The following TUSC3 variants were observed in gnomAD, a reference collection of about 807,000 sequenced individuals.
The protein encoded by TUSC3 is tumor suppressor candidate 3, also known as dolichyl-diphosphooligosaccharide--protein glycosyltransferase subunit TUSC3.
Under a neutral mutation model 44.8 loss-of-function variants are expected in TUSC3, and 45 were observed. The observed-to-expected ratio is 1.00, with a 90% CI of 0.79 to 1.29. The LOEUF is 1.29. Ranked by LOEUF, TUSC3 falls within the 50% of genes most tolerant of loss-of-function variation. The pLI is 0.00. For missense variants in TUSC3, 519 were observed against 437.9 expected (o/e 1.19, Z -1.65); for synonymous variants, 212 against 152.9 (o/e 1.39, Z -2.85).
At chr8:15,710,972 C>G (rs990266236) in intron 6 of TUSC3, among the ~76,000 whole-genome samples, 1 of 151,210 alleles carries the variant, frequency 6.6e-6, no homozygotes, top group African/African-American at 2.4e-5. Flanking sequence ...AGTCAGTTAA[C>G]TAATCTGCCA....
chr8:15,765,631 A>G lies in TUSC3; in HGVS notation c.*1475A>G, dbSNP rs956428797. On this transcript the variant is annotated 3_prime_UTR_variant, in exon 11 of 11. Transcript: ENST00000503731. Reference sequence around the variant, plus strand: ...CAAAACATAATATTCAGTGAAAATTACGTAATAATTGTAAGTTTATAATCA... The same window carrying G: ...CAAAACATAATATTCAGTGAAAATTGCGTAATAATTGTAAGTTTATAATCA... The G allele has an allele frequency of 9.9e-5, 15 of 152,112 alleles. No homozygotes were observed. The highest frequency in any genetic ancestry group is 3.6e-4 in the African/African-American group (15 of 41,460). The allele number at this position is 152,112 out of a possible 1,614,324, so 9.4% of individuals were successfully genotyped here.
At chr8:15,719,005 A>T (rs1042633072) in intron 6 of TUSC3, among the ~76,000 whole-genome samples, 1 of 152,090 alleles carries the variant, frequency 6.6e-6, no homozygotes, top group Non-Finnish European at 1.5e-5. Context: ...CTCCAGGATA[A>T]GATCACTTCT....
chr8:15,489,510 A>G (rs1351235564), intron 2 of TUSC3, among the ~76,000 whole-genome samples: 22 of 152,342 alleles, frequency 1.4e-4, no homozygotes, highest in Admixed American at 1.4e-3. Context: ...GTTTCTCTGC[A>G]GAATATGAAT....
At chr8:15,523,710 A>G (rs60527679) in intron 2 of TUSC3, among the ~76,000 whole-genome samples, 5,042 of 108,246 alleles carry the variant, frequency 0.047, 156 homozygotes, top group East Asian at 0.098. Flanking sequence ...GTGTGTGTGT[A>G]TATATATATA....
At chr8:15,427,585 C>G (rs1198413236) in intron 1 of TUSC3, among the ~76,000 whole-genome samples, 1 of 152,148 alleles carries the variant, frequency 6.6e-6, no homozygotes, top group Non-Finnish European at 1.5e-5. Context: ...GGTTGGCCTT[C>G]TTCCAAATGT....
the TUSC3 span, among the ~76,000 whole-genome samples, chr8:15,793,489 T>C: frequency 6.6e-6 from 1 of 152,068 alleles, no homozygotes; most frequent in Admixed American, 6.6e-5. Flanking sequence ...TGACCTCTCT[T>C]CTTTGTTCCC....
intron 2 of TUSC3, among the ~76,000 whole-genome samples, chr8:15,623,752 T>G (rs1282418561): frequency 6.6e-6 from 1 of 152,120 alleles, no homozygotes; most frequent in East Asian, 1.9e-4. Flanking sequence ...TGTCCAAAAG[T>G]ATACAACAAA....
Position 15,540,324 on chromosome 8 carries a change from G to C in TUSC3, c.-107G>C. The C allele has an allele frequency of 7.4e-7, 1 of 1,357,232 alleles. No individual in the cohort carries two copies. The highest frequency in any genetic ancestry group is 3.0e-5 in the East Asian group (1 of 32,898). The allele number at this position is 1,357,232 out of a possible 1,614,324, so 84.1% of individuals were successfully genotyped here. ...CCCTCGCAAAGCCGCTGCCATCCCGGAGGGCCCAGCCAGCGGGCTCCCGGA... is the reference window on the plus strand; with the variant it reads ...CCCTCGCAAAGCCGCTGCCATCCCGCAGGGCCCAGCCAGCGGGCTCCCGGA... On this transcript the variant is annotated 5_prime_UTR_variant, in exon 1 of 11. Transcript: ENST00000503731.
chr8:15,496,056 C>T (rs145102475), intron 2 of TUSC3, among the ~76,000 whole-genome samples: 28 of 152,198 alleles, frequency 1.8e-4, no homozygotes, highest in South Asian at 4.1e-4. Flanking sequence ...ATTTTTGAGC[C>T]TAACTGTCTA....
the TUSC3 span, among the ~76,000 whole-genome samples, chr8:15,836,196 C>T: frequency 1.3e-5 from 2 of 151,736 alleles, no homozygotes; most frequent in Non-Finnish European, 2.9e-5. Context: ...AGTAACACAG[C>T]TGGGCATGGT....
At chr8:15,790,178 C>CT in the TUSC3 span, among the ~76,000 whole-genome samples, 1 of 118,186 alleles carries the variant, frequency 8.5e-6, no homozygotes, top group Non-Finnish European at 1.7e-5. Flanking sequence ...ATTGTTAAGG[C>CT]CTTTTTTTTT....
chr8:15,592,810 T>C (rs1563123081), intron 1 of TUSC3, among the ~76,000 whole-genome samples: 1 of 152,146 alleles, frequency 6.6e-6, no homozygotes, highest in Non-Finnish European at 1.5e-5. Context: ...ACAACAAACA[T>C]GTGATACAGG....
chr8:15,849,099 C>A, the TUSC3 span, among the ~76,000 whole-genome samples: 5 of 152,004 alleles, frequency 3.3e-5, no homozygotes, highest in Non-Finnish European at 7.4e-5. Flanking sequence ...TTGTGTAATA[C>A]CATATAGGGC....
At chr8:15,434,525 C>T (rs985884784) in intron 1 of TUSC3, among the ~76,000 whole-genome samples, 1 of 87,872 alleles carries the variant, frequency 1.1e-5, no homozygotes, top group Admixed American at 1.9e-4. Flanking sequence ...ATTATAAAGC[C>T]ATTCCTTTTT....
the TUSC3 span, among the ~76,000 whole-genome samples, chr8:15,771,855 G>A: frequency 1.3e-5 from 2 of 152,124 alleles, no homozygotes; most frequent in Non-Finnish European, 2.9e-5. Context: ...TTGGGAGGCC[G>A]AGACAGGCGG....
intron 1 of TUSC3, among the ~76,000 whole-genome samples, chr8:15,541,077 T>A (rs1219886207): frequency 6.6e-6 from 1 of 152,260 alleles, no homozygotes; most frequent in Non-Finnish European, 1.5e-5. Flanking sequence ...AAGCTTGCAT[T>A]TTTTATTTTG....
At chr8:15,508,059 T>C (rs1801082205) in intron 2 of TUSC3, among the ~76,000 whole-genome samples, 1 of 152,156 alleles carries the variant, frequency 6.6e-6, no homozygotes, top group South Asian at 2.1e-4. Context: ...CTGGTCAACA[T>C]GGGGAAACCC....
chr8:15,581,464 C>T (rs1003295659), intron 1 of TUSC3, among the ~76,000 whole-genome samples: 1 of 148,146 alleles, frequency 6.8e-6, no homozygotes, highest in Non-Finnish European at 1.5e-5. Context: ...TACTTTTGGT[C>T]TTTGATGATG....
At chr8:15,748,508 A>C (rs1169701772) in intron 9 of TUSC3, 43 bp downstream of exon 9, 1 of 1,444,796 alleles carries the variant, frequency 6.9e-7, no homozygotes, top group East Asian at 2.3e-5. Context: ...TTTTTAACTA[A>C]TAGAACAGAG....
Sources: gnomAD v4.1 joint callset for allele counts (sites outside exome capture counted in the v4.1 genomes callset) on GRCh38, gnomAD v4.1.1 for gene constraint, MANE v1.5 for transcripts, NCBI Gene and HGNC (gene_info 2026-07-23, HGNC 2026-07-21) for gene names.